Variants in CFAP92 observed in about 807,000 individuals in gnomAD.
CFAP92 encodes cilia and flagella associated protein 92 (putative), also known as uncharacterized protein CFAP92.
CFAP92 carries 86 observed loss-of-function variants against 106.3 expected under a neutral mutation model. The observed-to-expected ratio is 0.81, with a 90% CI of 0.68 to 0.97. The LOEUF (loss-of-function observed/expected upper bound fraction) is 0.97, where lower values mean the gene tolerates loss of function less well. Ranked by LOEUF, CFAP92 falls within the 50% of genes least tolerant of loss-of-function variation. CFAP92 has a pLI of 0.00. For synonymous variants in CFAP92, 477 were observed against 506.4 expected, an observed-to-expected ratio of 0.94 and a Z score of 0.78; for missense variants, 1,204 against 1,283.8, an observed-to-expected ratio of 0.94 and a Z score of 0.95.
At chr3:128,989,999 G>A (rs922064125) in intron 2 of CFAP92, among the ~76,000 whole-genome samples, 1 of 152,152 alleles carries the variant, frequency 6.6e-6, no homozygotes, top group Non-Finnish European at 1.5e-5. Flanking sequence ...CTTCAATCCA[G>A]CAAATTTACT....
the CFAP92 span, among the ~76,000 whole-genome samples, chr3:129,011,767 G>C: frequency 3.7e-4 from 57 of 152,206 alleles, no homozygotes; most frequent in South Asian, 4.2e-4. Context: ...CTTCTCGGAG[G>C]ACAGAGCCTG....
chr3:128,952,867 G>A (rs375221572), intron 9 of CFAP92, among the ~76,000 whole-genome samples: 1 of 151,634 alleles, frequency 6.6e-6, no homozygotes, highest in Non-Finnish European at 1.5e-5. Context: ...GGTGGCTCAC[G>A]AGATCAGGAG....
At chr3:128,919,449 TGAG>T (rs561859094) in intron 12 of CFAP92, among the ~76,000 whole-genome samples, 256 of 152,340 alleles carry the variant, frequency 1.7e-3, no homozygotes, top group African/African-American at 5.9e-3. Flanking sequence ...TATTGTATAT[TGAG>T]GACAACAAAA....
chr3:128,913,079 C>G, intron 15 of CFAP92: 2 of 453,800 alleles, frequency 4.4e-6, no homozygotes, highest in Non-Finnish European at 8.8e-6. Flanking sequence ...AACCATTTAA[C>G]AAAGAATATA....
chr3:128,971,845 C>T (rs1475464961), intron 7 of CFAP92, among the ~76,000 whole-genome samples: 3 of 152,302 alleles, frequency 2.0e-5, no homozygotes, highest in South Asian at 4.1e-4. Flanking sequence ...TCAGTAACCT[C>T]ACCTGTTATA....
At chr3:128,930,182 G>A (rs149361203) in intron 12 of CFAP92, among the ~76,000 whole-genome samples, 6,416 of 151,952 alleles carry the variant, frequency 0.042, 169 homozygotes, top group Non-Finnish European at 0.058. Context: ...ATGGAGTCTC[G>A]CTCTGTCGCC....
intron 1 of CFAP92, among the ~76,000 whole-genome samples, chr3:128,999,458 GGGGGGT>G (rs1255236051): frequency 6.6e-6 from 1 of 152,038 alleles, no homozygotes; most frequent in Non-Finnish European, 1.5e-5. Context: ...CTGCAGGGAT[GGGGGGT>G]GGGGAGGGTG....
chr3:128,932,968 G>T lies in CFAP92; in HGVS notation c.2483C>A (p.Thr828Asn). The change falls in exon 12 of 16, where the codon ACC (threonine) becomes AAC (asparagine). Residue 828 changes from threonine to asparagine, a missense_variant. Coordinates refer to ENST00000645291, the MANE Select transcript of CFAP92 (RefSeq NM_001394090.1). ...GTCCCTCACCGTCACGTCCCAGAGG[G>T]TGGTGCTGTTATAGCAGATGTCGTG... ...RIHDICYNST[T>N]LWDVTVRDLL... 6.5e-7 allele frequency: 1 copy of T among 1,536,146 alleles called. No homozygotes were observed.
chr3:128,930,855 A>T (rs1938285111), intron 12 of CFAP92, among the ~76,000 whole-genome samples: 1 of 152,210 alleles, frequency 6.6e-6, no homozygotes, highest in Non-Finnish European at 1.5e-5. Flanking sequence ...GTGCATTAAG[A>T]GGTAGGATAA....
At chr3:128,924,141 T>TG (rs1287017830) in intron 12 of CFAP92, among the ~76,000 whole-genome samples, 5 of 152,102 alleles carry the variant, frequency 3.3e-5, no homozygotes, top group South Asian at 2.1e-4. Context: ...AGCTGAGTGT[T>TG]GGGAAAAAAG....
intron 9 of CFAP92, among the ~76,000 whole-genome samples, chr3:128,963,281 A>T (rs1371327752): frequency 1.1e-4 from 16 of 152,138 alleles, no homozygotes; most frequent in African/African-American, 3.6e-4. Context: ...CCAGGACCAC[A>T]CCGTGTAGCC....
At chr3:129,012,041 C>T in the CFAP92 span, among the ~76,000 whole-genome samples, 1 of 152,232 alleles carries the variant, frequency 6.6e-6, no homozygotes, top group Non-Finnish European at 1.5e-5. Context: ...AAGCTTCAGC[C>T]TTTTCAGGCC....
At chr3:128,965,447 A>G in intron 9 of CFAP92, 64 bp downstream of exon 9, 1 of 398,742 alleles carries the variant, frequency 2.5e-6, no homozygotes, top group Non-Finnish European at 4.4e-6. Context: ...TAGAGGTGGC[A>G]TGTGACGGGC....
intron 10 of CFAP92, among the ~76,000 whole-genome samples, chr3:128,941,450 A>G (rs1483982193): frequency 1.3e-5 from 2 of 152,116 alleles, no homozygotes; most frequent in Admixed American, 6.6e-5. Context: ...CTTCTGACTA[A>G]TGCTTCAATA....
chr3:128,948,258 A>G (rs1479411860), intron 9 of CFAP92, among the ~76,000 whole-genome samples: 3 of 152,044 alleles, frequency 2.0e-5, no homozygotes, highest in African/African-American at 4.8e-5. Context: ...CAGTAGTGCA[A>G]TCATGGCTCA....
chr3:129,004,814 C>T (rs1030032277), upstream of CFAP92, among the ~76,000 whole-genome samples: 18 of 152,124 alleles, frequency 1.2e-4, no homozygotes, highest in African/African-American at 3.9e-4. Flanking sequence ...TAATGACTGC[C>T]TGTGCTAGCT....
At chr3:128,917,008 G>T (rs1030137031) in intron 12 of CFAP92, among the ~76,000 whole-genome samples, 4 of 152,168 alleles carry the variant, frequency 2.6e-5, no homozygotes, top group Admixed American at 1.3e-4. Flanking sequence ...CTTGACTTTG[G>T]AATCTTTGAG....
intron 2 of CFAP92, among the ~76,000 whole-genome samples, chr3:128,992,832 G>C (rs1944298721): frequency 6.6e-6 from 1 of 152,218 alleles, no homozygotes; most frequent in East Asian, 1.9e-4. Context: ...GTTGTTGAGA[G>C]GATTAAGTAT....
At position 128,915,556 on chromosome 3, in the gene CFAP92, CT is replaced by C; in HGVS notation, c.2923del (p.Arg975GlufsTer20). 2 of 1,510,508 alleles carry C rather than the reference CT, an allele frequency of 1.3e-6. No individual in the cohort carries two copies. Among genetic ancestry groups the C allele is most frequent in the Non-Finnish European group, 8.8e-7 (1 of 1,134,316 alleles). The allele number at this position is 1,510,508 out of a possible 1,614,324, so 93.6% of individuals were successfully genotyped here. The stretch of plus-strand genomic sequence containing the variant: ...ATCCTGTGAGTACGTGAATCTCTTT[CT>C]TGGCTCCTAGAAATGGGGGCAGACA... ...ELYQEIAKEPRKRFTYSQDYL... is the reference protein window; with the variant it reads ...ELYQEIAKEPXKRFTYSQDYL... On this transcript the variant is annotated frameshift_variant, in exon 14 of 16. Transcript: ENST00000645291. LOFTEE classifies it high-confidence loss of function.
Sources: allele counts gnomAD v4.1 joint callset (sites outside exome capture counted in the v4.1 genomes callset), GRCh38; gene constraint gnomAD v4.1.1; transcripts MANE v1.5; gene names NCBI Gene and HGNC (gene_info 2026-07-23, HGNC 2026-07-21).